Variants in BAIAP3 observed in about 807,000 individuals in gnomAD.
BAIAP3 encodes BAI1-associated protein 3.
A neutral mutation model predicts 149.7 loss-of-function variants in BAIAP3; 180 were observed. The ratio of observed to expected loss-of-function variants is 1.20; its 90% CI spans 1.07 to 1.36. The LOEUF is 1.36. Ranked by LOEUF, BAIAP3 falls within the 40% of genes most tolerant of loss-of-function variation. The pLI is 0.00. For missense variants in BAIAP3, 1,767 were observed against 1,563.4 expected (o/e 1.13, Z -2.20); for synonymous variants, 845 against 670.7 (o/e 1.26, Z -4.02).
chr16:1,337,981 A>G (rs2033584896), intron 1 of BAIAP3, among the ~76,000 whole-genome samples: 1 of 152,288 alleles, frequency 6.6e-6, no homozygotes, highest in South Asian at 2.1e-4. Context: ...AGTCCCCTCC[A>G]GGGCCTCCTG....
Position 1,344,412 on chromosome 16 carries a change from C to T in BAIAP3, c.1603-57C>T, listed in dbSNP as rs986558875. 3.7e-6 allele frequency: 6 copies of T among 1,610,888 alleles called. No individual in the cohort carries two copies. The Admixed American group carries it at 5.0e-5, about 13-fold the overall frequency. On this transcript the variant is annotated intron_variant, in intron 17 of 33. Coordinates refer to ENST00000426824, the MANE Select transcript of BAIAP3 (RefSeq NM_001199097.2). The stretch of plus-strand genomic sequence containing the variant: ...TGCACCTCTGCACCACGGTCTCTTG[C>T]CCACCTCTTCCTCTTCCCTGCAATC...
Position 1,346,177 on chromosome 16 carries a change from T to TGGTCCTCAACAATGTGGAGCTCGTGCGC in BAIAP3, c.2310_2337dup (p.Lys780GlyfsTer46). Reference sequence around the variant, plus strand: ...TGGCCACACCTCCTCCAGCTCTGCGTGGTCCTCAACAATGTGGAGCTCGTG... The same window carrying TGGTCCTCAACAATGTGGAGCTCGTGCGC: ...TGGCCACACCTCCTCCAGCTCTGCGTGGTCCTCAACAATGTGGAGCTCGTGCGCGGTCCTCAACAATGTGGAGCTCGTG... On this transcript the variant is annotated frameshift_variant, in exon 25 of 34. Coordinates refer to ENST00000426824, the MANE Select transcript of BAIAP3 (RefSeq NM_001199097.2). LOFTEE classifies it high-confidence loss of function. The TGGTCCTCAACAATGTGGAGCTCGTGCGC allele has an allele frequency of 6.2e-7, 1 of 1,611,348 alleles. No homozygotes were observed. The highest frequency in any genetic ancestry group is 8.5e-7 in the Non-Finnish European group (1 of 1,179,790).
intron 1 of BAIAP3, among the ~76,000 whole-genome samples, chr16:1,338,173 G>T (rs2141566211): frequency 6.6e-6 from 1 of 152,270 alleles, no homozygotes. Context: ...GGCGCCTCCT[G>T]CTGTGCTGTC....
chr16:1,342,263 T>C lies in BAIAP3; in HGVS notation c.937T>C (p.Cys313Arg). Residue 313 changes from cysteine to arginine, a missense_variant, in exon 11 of 34, where the codon TGC becomes CGC. Physicochemically the swap from Cys to Arg is radical, Grantham distance 180. Coordinates refer to ENST00000426824, the MANE Select transcript of BAIAP3 (RefSeq NM_001199097.2). Reference sequence around the variant, plus strand: ...GGACCACACCGATGACTTCCTGGGGTGCCTCAACATACCTGTCCGGGTGAG... The same window carrying C: ...GGACCACACCGATGACTTCCTGGGGCGCCTCAACATACCTGTCCGGGTGAG... ...TEDHTDDFLG[C>R]LNIPVREVPV... 1 of 1,611,438 alleles carries C rather than the reference T, an allele frequency of 6.2e-7. No individual in the cohort carries two copies. The highest frequency in any genetic ancestry group is 1.1e-5 in the South Asian group (1 of 90,898).
rs779254546 is a variant in BAIAP3 at position 1,347,606 on chromosome 16, A to G, written c.2885A>G (p.Tyr962Cys). The G allele has an allele frequency of 1.2e-6, 2 of 1,613,016 alleles. No individual in the cohort carries two copies. Among genetic ancestry groups the G allele is most frequent in the Non-Finnish European group, 1.7e-6 (2 of 1,179,956 alleles). ...CSTRECIEQF[Y>C]LDKLKQRTLE... ...ACCCGCGAGTGCATCGAGCAGTTCT[A>G]CCTGGACAAGCTCAAACAGGTAGGG... Residue 962 changes from tyrosine to cysteine, a missense_variant, in exon 30 of 34, where the codon TAC becomes TGC. Tyr to Cys is a radical substitution (Grantham distance 194). Transcript: ENST00000426824.
In BAIAP3 at chr16:1,343,981, CCG is replaced by C. The variant is rs751579382; in HGVS notation, c.1387-40_1387-39del. On this transcript the variant is annotated intron_variant, in intron 15 of 33. Coordinates refer to ENST00000426824, the MANE Select transcript of BAIAP3 (RefSeq NM_001199097.2). Reference sequence around the variant, plus strand: ...GGAGGATGTTTCTCCTCATCAGTGGCCGGTCGGGGCTGCTGGCACTGAAGGGC... The same window carrying C: ...GGAGGATGTTTCTCCTCATCAGTGGCGTCGGGGCTGCTGGCACTGAAGGGC... 83 of 1,608,082 alleles carry C rather than the reference CCG, an allele frequency of 5.2e-5. No homozygotes were observed. In the African/African-American group the frequency reaches 8.0e-4, roughly 16 times the overall value.
chr16:1,345,701 G>A (rs1281256491), intron 22 of BAIAP3, 46 bp from the exon 23 acceptor site: 3 of 430,860 alleles, frequency 7.0e-6, no homozygotes, highest in Admixed American at 6.7e-5. Context: ...CACCTCCCCA[G>A]CCTCCCCTGC....
In BAIAP3 at chr16:1,341,320, G is replaced by A; in HGVS notation, c.562G>A (p.Gly188Ser). The A allele has an allele frequency of 4.3e-6, 7 of 1,611,350 alleles. No individual in the cohort carries two copies. The highest frequency in any genetic ancestry group is 5.9e-6 in the Non-Finnish European group (7 of 1,179,296). ...CTTCAGCGACCCATACTGCATGCTG[G>A]GCATCCTGCCTGCCTCGGACGCCAC... ...NGFSDPYCML[G>S]ILPASDATRE... The change falls in exon 8 of 34, where the codon GGC (glycine) becomes AGC (serine). Residue 188 changes from glycine (G) to serine (S), a missense_variant. Gly to Ser is a moderately conservative substitution (Grantham distance 56). Coordinates refer to ENST00000426824, the MANE Select transcript of BAIAP3 (RefSeq NM_001199097.2).
At position 1,344,518 on chromosome 16, in the gene BAIAP3, G is replaced by A. The variant is rs777857668; in HGVS notation, c.1652G>A (p.Arg551Gln). 13 of 1,612,954 alleles carry A rather than the reference G, an allele frequency of 8.1e-6. No individual in the cohort carries two copies. The East Asian group carries it at 8.9e-5, about 11-fold the overall frequency. The change falls in exon 18 of 34, where the codon CGA becomes CAA. Residue 551 changes from arginine (R) to glutamine (Q), a missense_variant. By Grantham distance (43) the Arg-to-Gln change is conservative. Coordinates refer to ENST00000426824, the MANE Select transcript of BAIAP3 (RefSeq NM_001199097.2). ...AGGATCCTGAATGACAAGAGTCCCC[G>A]AGAGCAGGTGCAGTTGTGGGGGACC... The part of the protein sequence containing the change: ...YDRILNDKSP[R>Q]EQPGPQRLPG...
chr16:1,344,389 C>T, intron 17 of BAIAP3, 72 bp downstream of exon 17: 2 of 1,608,502 alleles, frequency 1.2e-6, no homozygotes, highest in Non-Finnish European at 1.7e-6. Context: ...CCGTCCCCTG[C>T]ACCTCTGCAC....
At chr16:1,346,802 C>T in intron 27 of BAIAP3, 45 bp from the exon 28 acceptor site, 1 of 377,722 alleles carries the variant, frequency 2.6e-6, no homozygotes, top group Non-Finnish European at 4.0e-6. Flanking sequence ...GTGGGGCCAG[C>T]GGGGCAGGTG....
chr16:1,345,217 A>T (rs769804176), intron 21 of BAIAP3, 32 bp from the exon 22 acceptor site: 1 of 1,611,104 alleles, frequency 6.2e-7, no homozygotes, highest in Non-Finnish European at 8.5e-7. Flanking sequence ...TGTCTGAGTC[A>T]GGGCCGAGCC....
At chr16:1,341,962 C>G in intron 9 of BAIAP3, 24 bp from the exon 10 acceptor site, 1 of 1,584,048 alleles carries the variant, frequency 6.3e-7, no homozygotes, top group Non-Finnish European at 8.6e-7. Context: ...CCAGACAAGC[C>G]AGGTCCTCCC....
chr16:1,342,421 C>A, intron 11 of BAIAP3, 106 bp from the exon 12 acceptor site: 2 of 1,369,668 alleles, frequency 1.5e-6, no homozygotes, highest in Non-Finnish European at 2.0e-6. Context: ...CCTCATTCCC[C>A]GGAGAAGGGA....
chr16:1,340,394 G>C (rs2033835593), intron 5 of BAIAP3, among the ~76,000 whole-genome samples: 1 of 120,520 alleles, frequency 8.3e-6, no homozygotes, highest in Non-Finnish European at 1.8e-5. Context: ...CAGGTTGCAG[G>C]TGCACACAGA....
chr16:1,337,754 T>G (rs1019669738), intron 1 of BAIAP3, among the ~76,000 whole-genome samples: 5 of 152,156 alleles, frequency 3.3e-5, no homozygotes, highest in Non-Finnish European at 5.9e-5. Context: ...TGACGCTGGA[T>G]GGACTGGGAG....
chr16:1,338,418 G>A (rs983540843), intron 1 of BAIAP3, 122 bp from the exon 2 acceptor site: 1 of 921,248 alleles, frequency 1.1e-6, no homozygotes, highest in East Asian at 3.7e-5. Flanking sequence ...TCCAGGCTGT[G>A]GGTGAGCTCC....
chr16:1,338,395 G>A (rs1596561269), intron 1 of BAIAP3, 145 bp from the exon 2 acceptor site: 2 of 1,062,188 alleles, frequency 1.9e-6, no homozygotes, highest in Non-Finnish European at 2.7e-6. Context: ...GCCTGACCAG[G>A]TGCCCAGCGC....
chr16:1,340,803 C>T (rs1288494296), intron 5 of BAIAP3, 119 bp from the exon 6 acceptor site: 1 of 1,096,512 alleles, frequency 9.1e-7, no homozygotes, highest in Non-Finnish European at 1.3e-6. Context: ...TCCCCCAACC[C>T]TGCACCCGTG....
Sources: allele counts gnomAD v4.1 joint callset (sites outside exome capture counted in the v4.1 genomes callset), GRCh38; gene constraint gnomAD v4.1.1; transcripts MANE v1.5; gene names NCBI Gene and HGNC (gene_info 2026-07-23, HGNC 2026-07-21).